Variants in CEP70 observed in about 807,000 individuals in gnomAD.
The protein encoded by CEP70 is centrosomal protein 70.
In CEP70, 70 loss-of-function variants were observed where a neutral mutation model predicts 90.9. That is an observed-to-expected ratio of 0.77 (90% CI 0.64 to 0.94). CEP70 has a LOEUF of 0.94. CEP70 is among the 40% of genes least tolerant of loss of function. CEP70 has a pLI of 0.00. For missense variants in CEP70, 648 were observed against 669.0 expected, an observed-to-expected ratio of 0.97 and a Z score of 0.35; for synonymous variants, 220 against 228.3, an observed-to-expected ratio of 0.96 and a Z score of 0.33.
At chr3:138,538,259 C>T (rs1046898094) in intron 6 of CEP70, among the ~76,000 whole-genome samples, 12 of 152,140 alleles carry the variant, frequency 7.9e-5, no homozygotes, top group Non-Finnish European at 8.8e-5. Flanking sequence ...GTATCTCAGC[C>T]AAAGAAGATG....
chr3:138,579,513 C>T lies in CEP70; in HGVS notation c.-5-6581G>A, dbSNP rs145914639. 2.9e-4 allele frequency among the ~76,000 whole-genome samples: 44 copies of T among 151,704 alleles called. No individual in the cohort carries two copies. In the East Asian group the frequency reaches 7.3e-3, roughly 25 times the overall value. ...GTAAAGAGGACTTTGTCTTGCAACT[C>T]GGATACCAGCTCAGTCACAGTAGGA... is the stretch of plus-strand genomic sequence containing the variant. On this transcript the variant is annotated intron_variant, in intron 2 of 17. Transcript: ENST00000264982.
At chr3:138,536,009 CA>C (rs992219029) in intron 7 of CEP70, among the ~76,000 whole-genome samples, 1 of 151,930 alleles carries the variant, frequency 6.6e-6, no homozygotes, top group Non-Finnish European at 1.5e-5. Flanking sequence ...AAATAATTAT[CA>C]AAAAATCTAT....
chr3:138,566,241 G>A (rs2040779438), intron 6 of CEP70, among the ~76,000 whole-genome samples: 1 of 152,154 alleles, frequency 6.6e-6, no homozygotes, highest in Non-Finnish European at 1.5e-5. Flanking sequence ...GTGTAAATTA[G>A]TTCAACCATT....
At chr3:138,530,479 A>G (rs1485471172) in intron 8 of CEP70, 10 of 395,248 alleles carry the variant, frequency 2.5e-5, no homozygotes, top group Non-Finnish European at 3.4e-5. Context: ...TGTTTATTTT[A>G]CACATGTGCA....
chr3:138,567,684 T>C (rs1323473263), intron 6 of CEP70, among the ~76,000 whole-genome samples: 1 of 152,192 alleles, frequency 6.6e-6, no homozygotes, highest in Non-Finnish European at 1.5e-5. Context: ...CTCAAAGTCC[T>C]TTTCCTTTGT....
chr3:138,528,050 T>TTTTG (rs1349075478), intron 10 of CEP70, among the ~76,000 whole-genome samples: 62 of 150,950 alleles, frequency 4.1e-4, no homozygotes, highest in African/African-American at 1.5e-3. Flanking sequence ...TTGAAGTTTT[T>TTTTG]TTTTTTTTTT....
chr3:138,570,572 A>T, intron 5 of CEP70, 74 bp from the exon 6 acceptor site: 1 of 1,140,740 alleles, frequency 8.8e-7, no homozygotes. Flanking sequence ...TCCATATAAG[A>T]ATGTATTGCC....
intron 2 of CEP70, among the ~76,000 whole-genome samples, chr3:138,577,738 C>A (rs1052659780): frequency 6.6e-6 from 1 of 151,992 alleles, no homozygotes; most frequent in Non-Finnish European, 1.5e-5. Flanking sequence ...TGGTACTTGA[C>A]AATATGGTAG....
intron 13 of CEP70, among the ~76,000 whole-genome samples, chr3:138,501,641 G>A (rs777653691): frequency 1.3e-5 from 2 of 152,110 alleles, no homozygotes; most frequent in African/African-American, 2.4e-5. Flanking sequence ...AATGTGAAAG[G>A]TTCCCTAAAT....
rs2041270885 is a variant in CEP70 at position 138,572,855 on chromosome 3, T to C, written c.69+4A>G. On this transcript the variant is annotated splice_donor_region_variant and intron_variant, in intron 3 of 17. Transcript: ENST00000264982. ...AGCAGTGTCTTAAAATATTTTAAGT[T>C]TACCTGTTTTTCAGTCATGAGTCTG... 1 of 1,575,152 alleles carries C rather than the reference T, an allele frequency of 6.3e-7. No individual in the cohort carries two copies.
At chr3:138,544,035 TCTC>T (rs1172427386) in intron 6 of CEP70, among the ~76,000 whole-genome samples, 1 of 152,150 alleles carries the variant, frequency 6.6e-6, no homozygotes, top group African/African-American at 2.4e-5. Context: ...ATGCCTGTAA[TCTC>T]CACACTTTCG....
At chr3:138,579,130 C>G (rs1158575139) in intron 2 of CEP70, among the ~76,000 whole-genome samples, 1 of 152,180 alleles carries the variant, frequency 6.6e-6, no homozygotes, top group African/African-American at 2.4e-5. Flanking sequence ...ACCAACAACA[C>G]CAGGAAGAAT....
intron 6 of CEP70, among the ~76,000 whole-genome samples, chr3:138,560,684 G>A (rs1274908684): frequency 1.3e-5 from 2 of 152,078 alleles, no homozygotes; most frequent in Admixed American, 6.5e-5. Context: ...GAGCTTGGTG[G>A]GGTGAGGGGC....
chr3:138,530,064 T>C (rs1691687248), intron 8 of CEP70, among the ~76,000 whole-genome samples: 2 of 152,198 alleles, frequency 1.3e-5, no homozygotes, highest in Non-Finnish European at 2.9e-5. Context: ...AAATGAAAGA[T>C]ACTGAAGGAC....
intron 6 of CEP70, among the ~76,000 whole-genome samples, chr3:138,564,470 C>A (rs1290714718): frequency 1.3e-5 from 2 of 152,146 alleles, no homozygotes; most frequent in African/African-American, 4.8e-5. Context: ...CAAACCAAAT[C>A]CAGCAGCACA....
chr3:138,589,800 A>G (rs2042288955), intron 2 of CEP70, among the ~76,000 whole-genome samples: 1 of 152,246 alleles, frequency 6.6e-6, no homozygotes, highest in African/African-American at 2.4e-5. Flanking sequence ...TGTATTTAAG[A>G]AATTCACGGA....
intron 6 of CEP70, among the ~76,000 whole-genome samples, chr3:138,546,180 C>A (rs2039182728): frequency 6.6e-6 from 1 of 152,128 alleles, no homozygotes; most frequent in Non-Finnish European, 1.5e-5. Flanking sequence ...AAATTCCTCT[C>A]TTTGTACTCT....
At position 138,521,658 on chromosome 3, in the gene CEP70, G is replaced by A. The variant is rs28453953; in HGVS notation, c.944+3832C>T. The stretch of plus-strand genomic sequence containing the variant: ...AGTGCCTCTGCCCGGCCGCGACCCC[G>A]TCTGGGAACTGAGGAGCGCCTCTGC... On this transcript the variant is annotated intron_variant, in intron 11 of 17. Transcript: ENST00000264982. Among the ~76,000 whole-genome samples the A allele has an allele frequency of 9.6e-3, 1,418 of 148,364 alleles. 5 individuals carry two copies. The highest frequency in any genetic ancestry group is 0.015 in the Non-Finnish European group (987 of 67,026).
At chr3:138,548,966 G>T (rs965077369) in intron 6 of CEP70, among the ~76,000 whole-genome samples, 1 of 152,134 alleles carries the variant, frequency 6.6e-6, no homozygotes, top group Admixed American at 6.5e-5. Flanking sequence ...TAGCTCATGG[G>T]ACAGGATTTG....
Sources: gnomAD v4.1 joint callset for allele counts (sites outside exome capture counted in the v4.1 genomes callset) on GRCh38, gnomAD v4.1.1 for gene constraint, MANE v1.5 for transcripts, NCBI Gene and HGNC (gene_info 2026-07-23, HGNC 2026-07-21) for gene names.